AKT3: variants seen among roughly 807,000 people sequenced by gnomAD.
AKT3 encodes AKT serine/threonine kinase 3.
Under a neutral mutation model 65.3 loss-of-function variants are expected in AKT3, and 15 were observed. The observed-to-expected ratio is 0.23, with a 90% CI of 0.15 to 0.35. AKT3 has a LOEUF of 0.35. Among genes scored for constraint, AKT3 ranks in the 10% least tolerant of loss-of-function variants. AKT3 has a pLI of 1.00. For synonymous variants in AKT3, 206 were observed against 183.8 expected, an observed-to-expected ratio of 1.12 and a Z score of -0.98; for missense variants, 243 against 576.5, an observed-to-expected ratio of 0.42 and a Z score of 5.92.
intron 2 of AKT3, among the ~76,000 whole-genome samples, chr1:243,699,489 AT>A (rs1685290476): frequency 1.1e-4 from 13 of 113,122 alleles, no homozygotes; most frequent in African/African-American, 4.9e-4. Flanking sequence ...ATATATATAT[AT>A]ATATATATAT....
chr1:243,672,717 C>T (rs1683236119), intron 3 of AKT3, among the ~76,000 whole-genome samples: 1 of 152,190 alleles, frequency 6.6e-6, no homozygotes, highest in Non-Finnish European at 1.5e-5. Context: ...TGAACTTCTC[C>T]TAACACATTT....
intron 8 of AKT3, among the ~76,000 whole-genome samples, chr1:243,604,380 A>ATCAC (rs1677239047): frequency 6.6e-6 from 1 of 152,138 alleles, no homozygotes; most frequent in Non-Finnish European, 1.5e-5. Context: ...ATGACTTGAG[A>ATCAC]GTGAAGATCT....
chr1:243,593,457 T>G (rs1215110315), intron 8 of AKT3, among the ~76,000 whole-genome samples: 1 of 152,106 alleles, frequency 6.6e-6, no homozygotes, highest in Non-Finnish European at 1.5e-5. Context: ...GAGGCCTAGG[T>G]GCGTGGATCA....
chr1:243,838,450 T>C (rs528323213), intron 2 of AKT3, among the ~76,000 whole-genome samples: 228 of 152,158 alleles, frequency 1.5e-3, no homozygotes, highest in Non-Finnish European at 2.2e-3. Flanking sequence ...CTAATCATTT[T>C]ATAACTTATT....
intron 2 of AKT3, among the ~76,000 whole-genome samples, chr1:243,720,403 CTT>C (rs1344188901): frequency 7.9e-6 from 1 of 126,646 alleles, no homozygotes; most frequent in Admixed American, 8.2e-5. Context: ...ATCTTAAAAT[CTT>C]TTTGATGAGA....
chr1:243,564,711 G>A (rs1674028503), intron 9 of AKT3, among the ~76,000 whole-genome samples: 1 of 152,140 alleles, frequency 6.6e-6, no homozygotes, highest in Non-Finnish European at 1.5e-5. Flanking sequence ...TGATCATACA[G>A]CCTTATGTAT....
rs1695356411 is a variant in AKT3, at chr1:243,843,244, G to C, written c.-74C>G. The C allele has an allele frequency of 8.4e-6, 13 of 1,543,722 alleles. No individual in the cohort carries two copies. The highest frequency in any genetic ancestry group is 1.1e-5 in the Non-Finnish European group (13 of 1,139,418). The stretch of plus-strand genomic sequence containing the variant: ...ATCAGCTTTAGGGTTTGGATTCTCT[G>C]CTGCTGCTGCCCTTCCCACTCTCTA... On this transcript the variant is annotated 5_prime_UTR_variant, in exon 2 of 14. Coordinates refer to ENST00000673466, the MANE Select transcript of AKT3 (RefSeq NM_005465.7).
rs115461845 is a variant in AKT3 at position 243,797,353 on chromosome 1, C to T, written c.46+45772G>A. Among the ~76,000 whole-genome samples, 644 of 152,162 alleles carry T rather than the reference C, an allele frequency of 4.2e-3. 5 individuals carry two copies. Among genetic ancestry groups the T allele is most frequent in the African/African-American group, 0.015 (615 of 41,496 alleles). On this transcript the variant is annotated intron_variant, in intron 2 of 13. Transcript: ENST00000673466. ...TTATCCTGTTTGTTTATTATCTCTCCGCCAGTTACAGAGTAGGCACCTGGG... is the reference window on the plus strand; with the variant it reads ...TTATCCTGTTTGTTTATTATCTCTCTGCCAGTTACAGAGTAGGCACCTGGG...
intron 6 of AKT3, among the ~76,000 whole-genome samples, chr1:243,626,103 T>C (rs2148631745): frequency 6.6e-6 from 1 of 152,298 alleles, no homozygotes; most frequent in Admixed American, 6.5e-5. Context: ...GTAAATACTG[T>C]GACTGAAGGG....
chr1:243,557,159 T>C (rs978872310), intron 10 of AKT3, among the ~76,000 whole-genome samples: 3 of 152,122 alleles, frequency 2.0e-5, no homozygotes, highest in Non-Finnish European at 2.9e-5. Context: ...GATTAGATCA[T>C]ACTTACACAT....
chr1:243,672,601 A>C (rs1450836699), intron 3 of AKT3, among the ~76,000 whole-genome samples: 1 of 152,244 alleles, frequency 6.6e-6, no homozygotes, highest in East Asian at 1.9e-4. Context: ...TTCATCATCC[A>C]CATTCCAAAT....
Position 243,501,121 on chromosome 1 carries a change from T to C in AKT3, c.*4128A>G, listed in dbSNP as rs925231629. The C allele has an allele frequency of 1.3e-5, 3 of 231,418 alleles. No individual in the cohort carries two copies. Among genetic ancestry groups the C allele is most frequent in the African/African-American group, 6.6e-5 (3 of 45,256 alleles). The allele number at this position is 231,418 out of a possible 1,614,324, so 14.3% of individuals were successfully genotyped here. On this transcript the variant is annotated 3_prime_UTR_variant, in exon 14 of 14. Coordinates refer to ENST00000673466, the MANE Select transcript of AKT3 (RefSeq NM_005465.7). ...ATACACATACATGCTTGACTCACTC[T>C]GGTCCCAAAAGCCATTCCTCTGTCT...
intron 3 of AKT3, among the ~76,000 whole-genome samples, chr1:243,674,642 G>A (rs1280605013): frequency 6.6e-6 from 1 of 152,196 alleles, no homozygotes; most frequent in African/African-American, 2.4e-5. Flanking sequence ...GAGGAAGGTA[G>A]TCTAATACTC....
chr1:243,522,978 G>A (rs1344987878), intron 12 of AKT3, among the ~76,000 whole-genome samples: 5 of 152,100 alleles, frequency 3.3e-5, no homozygotes, highest in African/African-American at 9.7e-5. Flanking sequence ...GAGACCCAGT[G>A]ATAGGGAACA....
intron 2 of AKT3, among the ~76,000 whole-genome samples, chr1:243,813,500 A>G (rs900656475): frequency 1.4e-5 from 2 of 147,122 alleles, no homozygotes; most frequent in Non-Finnish European, 3.0e-5. Flanking sequence ...AAAAAAAAAG[A>G]AAAAAAGTAC....
intron 2 of AKT3, among the ~76,000 whole-genome samples, chr1:243,834,520 A>T (rs1233016374): frequency 1.3e-5 from 2 of 152,158 alleles, no homozygotes; most frequent in African/African-American, 4.8e-5. Flanking sequence ...TTGTGTACAC[A>T]TTGAGTACAC....
intron 2 of AKT3, among the ~76,000 whole-genome samples, chr1:243,749,038 C>A (rs150588422): frequency 6.6e-6 from 1 of 152,182 alleles, no homozygotes; most frequent in Non-Finnish European, 1.5e-5. Flanking sequence ...TACTGAACTT[C>A]CTCCTTCCTT....
chr1:243,728,126 A>G (rs573823255), intron 2 of AKT3, among the ~76,000 whole-genome samples: 2 of 152,340 alleles, frequency 1.3e-5, no homozygotes, highest in East Asian at 3.9e-4. Context: ...TCACCCTGGC[A>G]AACGGTTTGA....
intron 8 of AKT3, among the ~76,000 whole-genome samples, chr1:243,584,552 C>T (rs1213576138): frequency 6.6e-6 from 1 of 152,130 alleles, no homozygotes; most frequent in Non-Finnish European, 1.5e-5. Context: ...AAAATACTAG[C>T]AAACTGAATT....
Sources: gnomAD v4.1 joint callset for allele counts (sites outside exome capture counted in the v4.1 genomes callset) on GRCh38, gnomAD v4.1.1 for gene constraint, MANE v1.5 for transcripts, NCBI Gene and HGNC (gene_info 2026-07-23, HGNC 2026-07-21) for gene names.